Variants in PREX2 observed in about 807,000 individuals in gnomAD.
The protein encoded by PREX2 is phosphatidylinositol 3,4,5-trisphosphate-dependent Rac exchanger 2 protein.
A neutral mutation model predicts 203.2 loss-of-function variants in PREX2; 107 were observed. The observed-to-expected ratio is 0.53, with a 90% confidence interval of 0.45 to 0.62. PREX2 has a LOEUF of 0.62. Among genes scored for constraint, PREX2 ranks in the 20% least tolerant of loss-of-function variants. The probability of loss-of-function intolerance (pLI) is 0.00; values close to 1 mark genes in which losing one functional copy is unlikely to be tolerated. For synonymous variants in PREX2, 672 were observed against 663.6 expected, an observed-to-expected ratio of 1.01 and a Z score of -0.19; for missense variants, 1,777 against 1,955.9, an observed-to-expected ratio of 0.91 and a Z score of 1.72.
At chr8:67,988,563 T>C (rs1806504177) in intron 1 of PREX2, among the ~76,000 whole-genome samples, 1 of 152,208 alleles carries the variant, frequency 6.6e-6, no homozygotes, top group African/African-American at 2.4e-5. Flanking sequence ...TCTTTCATAA[T>C]AGAACACTGG....
At chr8:68,195,181 A>G (rs1471485457) in intron 37 of PREX2, among the ~76,000 whole-genome samples, 1 of 152,214 alleles carries the variant, frequency 6.6e-6, no homozygotes, top group South Asian at 2.1e-4. Flanking sequence ...TTCACGAGCA[A>G]TTTTAGAATT....
At chr8:67,993,659 C>T (rs900793166) in intron 1 of PREX2, among the ~76,000 whole-genome samples, 5 of 152,218 alleles carry the variant, frequency 3.3e-5, no homozygotes, top group Non-Finnish European at 7.4e-5. Flanking sequence ...CTACCTGCCT[C>T]GGCCTCCCAA....
chr8:68,087,612 A>G, intron 18 of PREX2, 112 bp from the exon 19 acceptor site: 1 of 811,378 alleles, frequency 1.2e-6, no homozygotes. Flanking sequence ...CATCTTTCAC[A>G]CTGTAGATCC....
chr8:68,220,807 T>C (rs1296453427), intron 38 of PREX2, among the ~76,000 whole-genome samples: 1 of 152,198 alleles, frequency 6.6e-6, no homozygotes, highest in Non-Finnish European at 1.5e-5. Context: ...CTAGGATAGC[T>C]GGCGAAGGGC....
At chr8:68,095,705 T>C (rs555317605) in intron 21 of PREX2, among the ~76,000 whole-genome samples, 1 of 151,622 alleles carries the variant, frequency 6.6e-6, no homozygotes, top group Non-Finnish European at 1.5e-5. Context: ...GGTACTATTA[T>C]AGTTTACTGC....
At chr8:68,151,639 G>A (rs1177418041) in intron 34 of PREX2, among the ~76,000 whole-genome samples, 1 of 152,106 alleles carries the variant, frequency 6.6e-6, no homozygotes, top group Non-Finnish European at 1.5e-5. Context: ...CTGAAGTATA[G>A]CATCCCTTCC....
In PREX2 at chr8:68,017,828, T is replaced by A; in HGVS notation, c.142-18T>A. On this transcript the variant is annotated intron_variant, in intron 1 of 39. Coordinates refer to ENST00000288368, the MANE Select transcript of PREX2 (RefSeq NM_024870.4). Reference sequence around the variant, plus strand: ...TTAACCTAATGTTACCTTCATAATGTCTTCTTGTTTCATGCAGGCATTCTT... The same window carrying A: ...TTAACCTAATGTTACCTTCATAATGACTTCTTGTTTCATGCAGGCATTCTT... 6.2e-7 allele frequency: 1 copy of A among 1,605,186 alleles called. No individual in the cohort carries two copies. Among genetic ancestry groups the A allele is most frequent in the Non-Finnish European group, 8.5e-7 (1 of 1,173,462 alleles).
intron 15 of PREX2, 99 bp from the exon 16 acceptor site, chr8:68,080,344 G>T: frequency 9.6e-7 from 1 of 1,041,248 alleles, no homozygotes; most frequent in Non-Finnish European, 1.5e-6. Flanking sequence ...TAAAGTTGAG[G>T]TTATGGGTGC....
At chr8:68,061,167 G>T (rs954881495) in intron 11 of PREX2, among the ~76,000 whole-genome samples, 1 of 152,198 alleles carries the variant, frequency 6.6e-6, no homozygotes, top group Non-Finnish European at 1.5e-5. Context: ...CATTCCACCC[G>T]GAGGAAATAA....
chr8:68,195,773 T>C (rs1479077435), intron 37 of PREX2, among the ~76,000 whole-genome samples: 3 of 152,198 alleles, frequency 2.0e-5, no homozygotes, highest in African/African-American at 7.2e-5. Context: ...ATGAAAAAAG[T>C]CAACAATGTG....
At chr8:68,068,291 A>G (rs752532624) in intron 11 of PREX2, among the ~76,000 whole-genome samples, 6 of 152,100 alleles carry the variant, frequency 3.9e-5, no homozygotes, top group Non-Finnish European at 7.4e-5. Context: ...AATATTTGGT[A>G]GAATTCATCA....
At chr8:68,045,877 A>G (rs75837100) in intron 8 of PREX2, among the ~76,000 whole-genome samples, 2,483 of 152,168 alleles carry the variant, frequency 0.016, 51 homozygotes, top group African/African-American at 0.053. Flanking sequence ...AGGTAGCAGT[A>G]ATTTATTCTG....
chr8:68,228,758 T>C, intron 39 of PREX2, among the ~76,000 whole-genome samples: 1 of 143,658 alleles, frequency 7.0e-6, no homozygotes. Context: ...AGAGCGAGAC[T>C]CCGTCTCTAA....
chr8:68,227,335 C>T (rs537992015), intron 39 of PREX2, among the ~76,000 whole-genome samples: 19 of 152,238 alleles, frequency 1.2e-4, no homozygotes, highest in Admixed American at 1.2e-3. Flanking sequence ...AGGATGACCA[C>T]CAAATCTTTG....
intron 30 of PREX2, among the ~76,000 whole-genome samples, chr8:68,124,326 A>T (rs1810844373): frequency 6.6e-6 from 1 of 152,120 alleles, no homozygotes; most frequent in South Asian, 2.1e-4. Context: ...GAATGAGCTA[A>T]TGTCCTTTGC....
At chr8:68,166,929 G>A (rs1048372091) in intron 35 of PREX2, among the ~76,000 whole-genome samples, 6 of 151,978 alleles carry the variant, frequency 3.9e-5, no homozygotes, top group African/African-American at 1.5e-4. Flanking sequence ...CTCCAGCCTG[G>A]GTGACAGAGA....
chr8:68,205,127 A>C (rs1424425602), intron 37 of PREX2, among the ~76,000 whole-genome samples: 1 of 152,190 alleles, frequency 6.6e-6, no homozygotes, highest in Non-Finnish European at 1.5e-5. Context: ...TGAAAGTATC[A>C]ATAAATATTG....
At chr8:68,091,569 C>G (rs79474196) in intron 20 of PREX2, among the ~76,000 whole-genome samples, 1 of 152,210 alleles carries the variant, frequency 6.6e-6, no homozygotes, top group African/African-American at 2.4e-5. Context: ...CTGCAAAATG[C>G]TGAATCTACA....
intron 1 of PREX2, among the ~76,000 whole-genome samples, chr8:67,997,160 A>G (rs930375567): frequency 2.0e-5 from 3 of 152,098 alleles, no homozygotes; most frequent in Non-Finnish European, 2.9e-5. Context: ...ATTACTTTTG[A>G]TGGGAAAAAC....
Sources: allele counts gnomAD v4.1 joint callset (sites outside exome capture counted in the v4.1 genomes callset), GRCh38; gene constraint gnomAD v4.1.1; transcripts MANE v1.5; gene names NCBI Gene and HGNC (gene_info 2026-07-23, HGNC 2026-07-21).